TBCA: variants seen among roughly 807,000 people sequenced by gnomAD.
TBCA encodes tubulin-specific chaperone A.
In TBCA, 6 loss-of-function variants were observed where a neutral mutation model predicts 15.8. The ratio of observed to expected loss-of-function variants is 0.38; its 90% confidence interval spans 0.21 to 0.75. TBCA has a LOEUF of 0.75. Ranked by LOEUF, TBCA falls within the 30% of genes least tolerant of loss-of-function variation. The probability of loss-of-function intolerance (pLI) is 0.46; values close to 1 mark genes in which losing one functional copy is unlikely to be tolerated. For synonymous variants in TBCA, 32 were observed against 42.3 expected (o/e 0.76, Z 0.94); for missense variants, 90 against 131.2 (o/e 0.69, Z 1.53).
At chr5:77,755,944 C>T (rs1580131051) in intron 1 of TBCA, among the ~76,000 whole-genome samples, 1 of 152,118 alleles carries the variant, frequency 6.6e-6, no homozygotes, top group African/African-American at 2.4e-5. Context: ...GCGGAGGTTG[C>T]GGTGAGCAGT....
At chr5:77,721,323 T>C (rs1428334163) in intron 1 of TBCA, among the ~76,000 whole-genome samples, 2 of 152,176 alleles carry the variant, frequency 1.3e-5, no homozygotes. Context: ...AGAGGCACTT[T>C]GATATGTAAT....
chr5:77,719,938 A>T (rs1746490600), intron 1 of TBCA, among the ~76,000 whole-genome samples: 1 of 152,142 alleles, frequency 6.6e-6, no homozygotes, highest in South Asian at 2.1e-4. Flanking sequence ...CTTCATCTCC[A>T]TACAAAACAC....
chr5:77,714,302 AGAGT>A (rs1000914585), intron 1 of TBCA, among the ~76,000 whole-genome samples: 4 of 152,148 alleles, frequency 2.6e-5, no homozygotes, highest in African/African-American at 7.2e-5. Flanking sequence ...CCTGGGCAAC[AGAGT>A]GAGACTCCAT....
rs150258948 is a variant in TBCA, at chr5:77,727,895, A to T, written c.54-19548T>A. ...AAGTAGAAAAGACAGTACTATATTCATGCTGATAGTATGAGTAAAGCTAAG... is the reference window on the plus strand; with the variant it reads ...AAGTAGAAAAGACAGTACTATATTCTTGCTGATAGTATGAGTAAAGCTAAG... On this transcript the variant is annotated intron_variant, in intron 1 of 3. Transcript: ENST00000380377. Among the ~76,000 whole-genome samples, 1,011 of 152,302 alleles carry T rather than the reference A, an allele frequency of 6.6e-3. 7 individuals carry two copies. The highest frequency in any genetic ancestry group is 8.5e-3 in the Non-Finnish European group (576 of 68,018).
chr5:77,699,728 T>C (rs1382934438), intron 2 of TBCA, among the ~76,000 whole-genome samples: 5 of 152,016 alleles, frequency 3.3e-5, no homozygotes, highest in East Asian at 1.9e-4. Context: ...TACTGATAAA[T>C]TGGACATTCT....
intron 1 of TBCA, among the ~76,000 whole-genome samples, chr5:77,758,060 G>A (rs466574): frequency 0.44 from 66,973 of 151,962 alleles, 14,923 homozygotes; most frequent in East Asian, 0.53. Flanking sequence ...TTTAGAACAG[G>A]AAAGGAAAGT....
intron 1 of TBCA, among the ~76,000 whole-genome samples, chr5:77,750,590 A>C (rs768776834): frequency 3.9e-5 from 6 of 152,240 alleles, no homozygotes; most frequent in Non-Finnish European, 7.3e-5. Context: ...GTAGCAAAAG[A>C]AGCAGTGACA....
intron 1 of TBCA, among the ~76,000 whole-genome samples, chr5:77,714,191 G>A (rs1258633454): frequency 6.6e-6 from 1 of 151,908 alleles, no homozygotes; most frequent in Non-Finnish European, 1.5e-5. Flanking sequence ...GTGGTGGCAG[G>A]TGCCTGTAAT....
intron 2 of TBCA, among the ~76,000 whole-genome samples, chr5:77,704,162 T>G (rs1372613840): frequency 1.3e-5 from 2 of 152,102 alleles, no homozygotes; most frequent in Admixed American, 1.3e-4. Context: ...AATGGACTAA[T>G]GCAAACAAGC....
chr5:77,735,063 T>G lies in TBCA; in HGVS notation c.54-26716A>C, dbSNP rs900562183. Among the ~76,000 whole-genome samples the G allele has an allele frequency of 3.3e-5, 5 of 152,226 alleles. No individual in the cohort carries two copies. In the East Asian group the frequency reaches 9.6e-4, roughly 29 times the overall value. On this transcript the variant is annotated intron_variant, in intron 1 of 3. Coordinates refer to ENST00000380377, the MANE Select transcript of TBCA (RefSeq NM_004607.3). ...CTACAATACAGAGCAAACATAACTT[T>G]TATATGCACTTGAGAAACCAAAAAA...
intron 1 of TBCA, among the ~76,000 whole-genome samples, chr5:77,709,832 A>T (rs921307719): frequency 5.9e-5 from 9 of 152,212 alleles, no homozygotes; most frequent in Non-Finnish European, 1.0e-4. Flanking sequence ...GCAATAAAAA[A>T]CATAAAGTGC....
intron 1 of TBCA, among the ~76,000 whole-genome samples, chr5:77,719,537 A>G (rs1235507122): frequency 3.9e-5 from 6 of 152,210 alleles, no homozygotes; most frequent in Admixed American, 3.9e-4. Flanking sequence ...ATAGTTTCTC[A>G]GTAACCATTA....
At chr5:77,707,379 C>T (rs1399226110) in intron 2 of TBCA, among the ~76,000 whole-genome samples, 1 of 152,036 alleles carries the variant, frequency 6.6e-6, no homozygotes, top group Non-Finnish European at 1.5e-5. Flanking sequence ...AAAGGAGGGG[C>T]ACCTAACTCA....
rs1747785539 is a variant in TBCA, at chr5:77,766,691, A to T, written c.53+9514T>A. Among the ~76,000 whole-genome samples the T allele has an allele frequency of 4.2e-5, 2 of 47,796 alleles. 1 individual carries two copies. Among genetic ancestry groups the T allele is most frequent in the South Asian group, 1.3e-3 (2 of 1,538 alleles). 31.4% of individuals were successfully genotyped at this position (47,796 alleles called of 152,430 possible). A position where few individuals can be genotyped will look rare whatever the true frequency, so the allele number is the denominator to read the frequency against. On this transcript the variant is annotated intron_variant, in intron 1 of 3. Coordinates refer to ENST00000380377, the MANE Select transcript of TBCA (RefSeq NM_004607.3). ...CGCCCGGCTAATTTTTTGTATTTTTAGTAGAGACGGGGTTTCACCGTGGTC... is the reference window on the plus strand; with the variant it reads ...CGCCCGGCTAATTTTTTGTATTTTTTGTAGAGACGGGGTTTCACCGTGGTC...
intron 1 of TBCA, among the ~76,000 whole-genome samples, chr5:77,768,070 G>A (rs905736054): frequency 2.0e-5 from 3 of 152,156 alleles, no homozygotes; most frequent in Non-Finnish European, 2.9e-5. Flanking sequence ...CAAGAGACCA[G>A]GCCCTCACCA....
chr5:77,712,795 T>G (rs1276429011), intron 1 of TBCA, among the ~76,000 whole-genome samples: 1 of 152,194 alleles, frequency 6.6e-6, no homozygotes, highest in Non-Finnish European at 1.5e-5. Context: ...TATTAATGTG[T>G]ATGATTGTAG....
At chr5:77,750,446 G>T (rs1030746778) in intron 1 of TBCA, among the ~76,000 whole-genome samples, 6 of 152,034 alleles carry the variant, frequency 3.9e-5, no homozygotes, top group African/African-American at 1.5e-4. Context: ...GGAGATTAAT[G>T]TACAATACTA....
intron 1 of TBCA, among the ~76,000 whole-genome samples, chr5:77,731,069 T>C (rs1478111572): frequency 2.6e-5 from 4 of 152,162 alleles, no homozygotes; most frequent in African/African-American, 9.7e-5. Context: ...ATGAAAATCT[T>C]AGCATGGTAT....
At chr5:77,726,380 G>T (rs554222302) in intron 1 of TBCA, among the ~76,000 whole-genome samples, 2 of 152,298 alleles carry the variant, frequency 1.3e-5, no homozygotes, top group South Asian at 4.1e-4. Flanking sequence ...ATCAGAACAT[G>T]CCATCACTGT....
Sources: gnomAD v4.1 joint callset for allele counts (sites outside exome capture counted in the v4.1 genomes callset) on GRCh38, gnomAD v4.1.1 for gene constraint, MANE v1.5 for transcripts, NCBI Gene and HGNC (gene_info 2026-07-23, HGNC 2026-07-21) for gene names.